Variants in VPS35L observed in about 807,000 individuals in gnomAD.
VPS35L encodes the protein VPS35 endosomal protein sorting factor like.
A neutral mutation model predicts 133.0 loss-of-function variants in VPS35L; 83 were observed. That is an observed-to-expected ratio of 0.62 (90% CI 0.52 to 0.75). VPS35L has a LOEUF of 0.75. Ranked by LOEUF, VPS35L falls within the 30% of genes least tolerant of loss-of-function variation. The pLI, the probability that VPS35L is intolerant of heterozygous loss-of-function variation, is 0.00. For missense variants in VPS35L, 1,083 were observed against 1,206.8 expected (o/e 0.90, Z 1.52); for synonymous variants, 423 against 449.9 (o/e 0.94, Z 0.76).
chr16:19,637,759 C>T, intron 20 of VPS35L, 103 bp downstream of exon 20: 2 of 767,370 alleles, frequency 2.6e-6, no homozygotes, highest in Non-Finnish European at 4.2e-6. Flanking sequence ...AAGAAATATT[C>T]AGCAGTTCCT....
intron 21 of VPS35L, among the ~76,000 whole-genome samples, chr16:19,642,069 G>A (rs573903241): frequency 1.3e-5 from 2 of 152,140 alleles, no homozygotes; most frequent in Non-Finnish European, 2.9e-5. Flanking sequence ...AATTAGCTGG[G>A]TGTGGTGACG....
At position 19,637,603 on chromosome 16, in the gene VPS35L, A is replaced by G. The variant is rs754269775; in HGVS notation, c.1645A>G (p.Ile549Val). The change falls in exon 20 of 31, where the codon ATA becomes GTA. Residue 549 changes from isoleucine (I) to valine (V), a missense_variant. Physicochemically the swap from Ile to Val is conservative, Grantham distance 29. Transcript: ENST00000417362. Reference protein sequence around the residue: ...FEDSYPQLQLIIKKVIAHFHD... With the variant: ...FEDSYPQLQLVIKKVIAHFHD... ...TTTGTTTGTTTTACAGCTTCAGTTA[A>G]TAATTAAGAAAGTTATTGCCCACTT... 4.5e-6 allele frequency: 7 copies of G among 1,556,326 alleles called. No homozygotes were observed. The highest frequency in any genetic ancestry group is 6.1e-6 in the Non-Finnish European group (7 of 1,143,728).
Position 19,608,187 on chromosome 16 carries a change from C to A in VPS35L, c.794C>A (p.Ser265Tyr), listed in dbSNP as rs367846668. The A allele has an allele frequency of 6.2e-6, 10 of 1,612,718 alleles. No individual in the cohort carries two copies. Among genetic ancestry groups the A allele is most frequent in the Non-Finnish European group, 8.5e-6 (10 of 1,178,994 alleles). The change falls in exon 10 of 31, where the codon TCT becomes TAT. Residue 265 changes from serine to tyrosine, a missense_variant. Transcript: ENST00000417362. The stretch of plus-strand genomic sequence containing the variant: ...GTTTTTTGTATTACAGATCACTTTT[C>A]TCCAGAGAATGCAAATGACACGGCC... Reference protein sequence around the residue: ...DSRSVLPDHFSPENANDTAKE... With the variant: ...DSRSVLPDHFYPENANDTAKE...
At chr16:19,613,819 G>A (rs1972802559) in intron 12 of VPS35L, among the ~76,000 whole-genome samples, 1 of 152,182 alleles carries the variant, frequency 6.6e-6, no homozygotes, top group Admixed American at 6.5e-5. Flanking sequence ...CATGGTCCAA[G>A]AGGAAGGTTT....
At chr16:19,640,695 C>T (rs977776390) in intron 21 of VPS35L, among the ~76,000 whole-genome samples, 2 of 152,126 alleles carry the variant, frequency 1.3e-5, no homozygotes, top group South Asian at 2.1e-4. Context: ...CAAAACTGCC[C>T]GACTGCTAGT....
Position 19,569,419 on chromosome 16 carries a change from C to T in VPS35L, c.118-5C>T, listed in dbSNP as rs1436841135. 3.8e-6 allele frequency: 6 copies of T among 1,592,520 alleles called. No individual in the cohort carries two copies. Among genetic ancestry groups the T allele is most frequent in the East Asian group, 2.2e-5 (1 of 44,710 alleles). ...CCGTTTTACCTCCAGAAATTTTCCT[C>T]ACAGGTCACAGAGTCAAAGACAAAG... On this transcript the variant is annotated splice_region_variant and splice_polypyrimidine_tract_variant and intron_variant, in intron 2 of 30. Transcript: ENST00000417362.
At chr16:19,690,938 G>A (rs1233988869) in intron 28 of VPS35L, among the ~76,000 whole-genome samples, 1 of 151,750 alleles carries the variant, frequency 6.6e-6, no homozygotes, top group Non-Finnish European at 1.5e-5. Flanking sequence ...CTCCAGCCTG[G>A]GTGACAGAGA....
chr16:19,581,476 G>C (rs551041167), intron 6 of VPS35L, 49 bp from the exon 7 acceptor site: 1 of 1,494,120 alleles, frequency 6.7e-7, no homozygotes, highest in Non-Finnish European at 8.9e-7. Context: ...GGGTGTAGTC[G>C]AGCAATGTTT....
intron 27 of VPS35L, among the ~76,000 whole-genome samples, chr16:19,680,990 C>A (rs1044566394): frequency 1.3e-5 from 2 of 149,084 alleles, no homozygotes; most frequent in African/African-American, 5.0e-5. Context: ...TCAGGGAAGG[C>A]CTCATTAAAG....
chr16:19,572,148 A>G (rs1971402675), intron 3 of VPS35L, among the ~76,000 whole-genome samples: 1 of 152,066 alleles, frequency 6.6e-6, no homozygotes, highest in African/African-American at 2.4e-5. Flanking sequence ...GGCCAGGCGC[A>G]GTGGGTCACG....
At position 19,595,726 on chromosome 16, in the gene VPS35L, G is replaced by A. The variant is rs112499730; in HGVS notation, c.724+3852G>A. Among the ~76,000 whole-genome samples, 570 of 152,284 alleles carry A rather than the reference G, an allele frequency of 3.7e-3. 4 individuals are homozygous for A. Among genetic ancestry groups the A allele is most frequent in the African/African-American group, 0.013 (520 of 41,556 alleles). On this transcript the variant is annotated intron_variant, in intron 8 of 30. Transcript: ENST00000417362. ...ACTCCAGCCCCGTCCTGTACTCCCC[G>A]GGCTGTAGTGCAGATGCTGCTGTCC...
chr16:19,674,111 C>T (rs753192431), intron 27 of VPS35L, among the ~76,000 whole-genome samples: 1 of 151,472 alleles, frequency 6.6e-6, no homozygotes, highest in Non-Finnish European at 1.5e-5. Context: ...CTGAGCCATG[C>T]CCATTATGAG....
rs773707021 is a variant in VPS35L, at chr16:19,637,573, TTTTG to T, written c.1636-9_1636-6del. 9.3e-5 allele frequency: 138 copies of T among 1,484,748 alleles called. No homozygotes were observed. Among genetic ancestry groups the T allele is most frequent in the Middle Eastern group, 3.5e-4 (2 of 5,658 alleles). 92.0% of individuals were successfully genotyped at this position (1,484,748 alleles called of 1,614,324 possible). A position where few individuals can be genotyped will look rare whatever the true frequency, so the allele number is the denominator to read the frequency against. ...AAAATTAAGTTTTTAAAAATAATAT[TTTTG>T]TTTGTTTGTTTTACAGCTTCAGTTA... On this transcript the variant is annotated splice_polypyrimidine_tract_variant and intron_variant, in intron 19 of 30. Coordinates refer to ENST00000417362, the MANE Select transcript of VPS35L (RefSeq NM_020314.7).
Position 19,601,752 on chromosome 16 carries a change from A to G in VPS35L, c.784+29A>G, listed in dbSNP as rs148757332. The G allele has an allele frequency of 3.8e-3, 6,116 of 1,610,368 alleles. 81 individuals carry two copies. The highest frequency in any genetic ancestry group is 0.036 in the East Asian group (1,593 of 44,846). On this transcript the variant is annotated intron_variant, in intron 9 of 30. Transcript: ENST00000417362. ...ATGTCGCAGCTGTTCCTGGGGTGTC[A>G]TTCTGCCCTGGAGTCAGGACTAGAA...
chr16:19,700,469 G>C lies in VPS35L; in HGVS notation c.2885G>C (p.Arg962Thr), dbSNP rs1976089186. The C allele has an allele frequency of 6.2e-7, 1 of 1,613,852 alleles. No homozygotes were observed. Among genetic ancestry groups the C allele is most frequent in the Non-Finnish European group, 8.5e-7 (1 of 1,179,836 alleles). Reference sequence around the variant, plus strand: ...GCCCTCAGACTCCCTCTGCAAACAAGGACCTGACCCCCGGGCCCATCCCCA... The same window carrying C: ...GCCCTCAGACTCCCTCTGCAAACAACGACCTGACCCCCGGGCCCATCCCCA... ...ELALRLPLQT[R>T]T Residue 962 changes from arginine to threonine, a missense_variant, in exon 31 of 31, where the codon AGG becomes ACG. Coordinates refer to ENST00000417362, the MANE Select transcript of VPS35L (RefSeq NM_020314.7).
chr16:19,573,626 C>T (rs546959786), intron 4 of VPS35L, among the ~76,000 whole-genome samples: 1 of 152,180 alleles, frequency 6.6e-6, no homozygotes, highest in African/African-American at 2.4e-5. Flanking sequence ...CGAGACCAGC[C>T]TGGCCAACAT....
Position 19,691,377 on chromosome 16 carries a change from G to T in VPS35L, c.2552G>T (p.Gly851Val), listed in dbSNP as rs1567492656. ...GTGGACTCCAACGACAGCCTCTACG[G>T]GGGAGACTCCAAGTTCCTGGCAGAA... ...DKVDSNDSLY[G>V]GDSKFLAENN... The change falls in exon 29 of 31, where the codon GGG becomes GTG. Residue 851 changes from glycine to valine, a missense_variant. By Grantham distance (109) the Gly-to-Val change is moderately radical. Coordinates refer to ENST00000417362, the MANE Select transcript of VPS35L (RefSeq NM_020314.7). The T allele has an allele frequency of 6.2e-7, 1 of 1,613,776 alleles. No individual in the cohort carries two copies. Among genetic ancestry groups the T allele is most frequent in the Non-Finnish European group, 8.5e-7 (1 of 1,179,766 alleles).
At chr16:19,687,114 TC>T (rs1383966213) in intron 28 of VPS35L, among the ~76,000 whole-genome samples, 2 of 152,180 alleles carry the variant, frequency 1.3e-5, no homozygotes, top group Non-Finnish European at 1.5e-5. Context: ...CCCACTAGGT[TC>T]CCGCTCCTAG....
At chr16:19,680,728 A>G (rs1450097554) in intron 27 of VPS35L, among the ~76,000 whole-genome samples, 6 of 152,140 alleles carry the variant, frequency 3.9e-5, no homozygotes, top group Admixed American at 1.3e-4. Flanking sequence ...CCTGGGCAAC[A>G]TGGCAAGACC....
Sources: gnomAD v4.1 joint callset for allele counts (sites outside exome capture counted in the v4.1 genomes callset) on GRCh38, gnomAD v4.1.1 for gene constraint, MANE v1.5 for transcripts, NCBI Gene and HGNC (gene_info 2026-07-23, HGNC 2026-07-21) for gene names.